The following FSTL5 variants were observed in gnomAD, a reference collection of about 807,000 sequenced individuals.
FSTL5 encodes the protein follistatin like 5, also known as follistatin-related protein 5.
Under a neutral mutation model 89.1 loss-of-function variants are expected in FSTL5, and 62 were observed. The observed-to-expected ratio is 0.70, with a 90% CI of 0.57 to 0.86. The LOEUF is 0.86. Ranked by LOEUF, FSTL5 falls within the 40% of genes least tolerant of loss-of-function variation. The probability of loss-of-function intolerance (pLI) is 0.00; values close to 1 mark genes in which losing one functional copy is unlikely to be tolerated. For missense variants in FSTL5, 1,057 were observed against 1,001.6 expected, an observed-to-expected ratio of 1.06 and a Z score of -0.75; for synonymous variants, 383 against 346.2, an observed-to-expected ratio of 1.11 and a Z score of -1.18.
At chr4:162,065,452 A>G (rs1404047568) in intron 2 of FSTL5, among the ~76,000 whole-genome samples, 3 of 152,062 alleles carry the variant, frequency 2.0e-5, no homozygotes, top group African/African-American at 7.2e-5. Flanking sequence ...ATATATGAAA[A>G]GGTACTCAAC....
intron 6 of FSTL5, among the ~76,000 whole-genome samples, chr4:161,715,594 A>C (rs78235642): frequency 0.05 from 7,539 of 152,218 alleles, 273 homozygotes; most frequent in Admixed American, 0.095. Context: ...TAAAAGAATT[A>C]TAAGTTTCGA....
chr4:161,482,330 T>C lies in FSTL5; in HGVS notation c.1459-1161A>G, dbSNP rs554941361. 2.6e-5 allele frequency among the ~76,000 whole-genome samples: 4 copies of C among 152,112 alleles called. No homozygotes were observed. The East Asian group carries it at 7.7e-4, about 29-fold the overall frequency. On this transcript the variant is annotated intron_variant, in intron 12 of 15. Transcript: ENST00000306100. ...GACTCCGTCTCAAAAAAAAAAATTA[T>C]GTGCAGTAAAAATGTTATTTACATA...
At chr4:161,920,915 G>C (rs1019874) in intron 3 of FSTL5, among the ~76,000 whole-genome samples, 80,787 of 151,808 alleles carry the variant, frequency 0.53, 21,765 homozygotes, top group Middle Eastern at 0.66. Context: ...TAATGACAAG[G>C]TCTGTAAAGC....
At chr4:161,614,925 T>C (rs1475535751) in intron 7 of FSTL5, among the ~76,000 whole-genome samples, 1 of 152,088 alleles carries the variant, frequency 6.6e-6, no homozygotes, top group Non-Finnish European at 1.5e-5. Context: ...GAACCTCAAA[T>C]AGAAAAATTC....
At chr4:162,003,608 C>T (rs998739449) in intron 3 of FSTL5, among the ~76,000 whole-genome samples, 7 of 152,048 alleles carry the variant, frequency 4.6e-5, no homozygotes, top group Admixed American at 1.3e-4. Context: ...CAACGAATGA[C>T]ATGATGAAAA....
intron 7 of FSTL5, among the ~76,000 whole-genome samples, chr4:161,655,365 G>A (rs1047171637): frequency 6.6e-6 from 1 of 152,012 alleles, no homozygotes; most frequent in Admixed American, 6.6e-5. Flanking sequence ...ATGACTTCAT[G>A]GGAGTTGGTA....
intron 7 of FSTL5, among the ~76,000 whole-genome samples, chr4:161,591,425 C>A (rs1278112224): frequency 6.6e-6 from 1 of 152,114 alleles, no homozygotes; most frequent in Admixed American, 6.6e-5. Context: ...CTAGAAAGCA[C>A]TGAATTGCAC....
At chr4:161,730,899 A>C (rs1739584152) in intron 6 of FSTL5, among the ~76,000 whole-genome samples, 1 of 152,214 alleles carries the variant, frequency 6.6e-6, no homozygotes, top group Admixed American at 6.5e-5. Context: ...AAAGAGTGTA[A>C]ATTGAGAATT....
At chr4:161,548,218 T>A (rs1215183939) in intron 8 of FSTL5, among the ~76,000 whole-genome samples, 2 of 151,914 alleles carry the variant, frequency 1.3e-5, no homozygotes, top group African/African-American at 4.8e-5. Flanking sequence ...AATGCTCACT[T>A]TTGTTCATTT....
chr4:161,520,076 C>T (rs2126514266), intron 10 of FSTL5, among the ~76,000 whole-genome samples: 1 of 151,914 alleles, frequency 6.6e-6, no homozygotes, highest in East Asian at 1.9e-4. Flanking sequence ...TATACCTTAA[C>T]CTTTAGTTAG....
At chr4:161,964,382 A>C (rs909270853) in intron 3 of FSTL5, among the ~76,000 whole-genome samples, 2 of 152,062 alleles carry the variant, frequency 1.3e-5, no homozygotes, top group African/African-American at 4.8e-5. Context: ...GCAGCTCCTT[A>C]AACATGGTTT....
intron 1 of FSTL5, among the ~76,000 whole-genome samples, chr4:162,118,344 TC>T (rs1407413823): frequency 6.6e-6 from 1 of 152,028 alleles, no homozygotes; most frequent in Non-Finnish European, 1.5e-5. Context: ...CACTGCAAGC[TC>T]CGCCTTGCGG....
rs1299887781 is a variant in FSTL5 at position 161,765,983 on chromosome 4, C to T, written c.607-6452G>A. On this transcript the variant is annotated intron_variant, in intron 5 of 15. Transcript: ENST00000306100. ...CTAATTTTTGTATTTTTAGTAGAGA[C>T]GGGGTTTCACCATCTTGGCCAGGCC... 3.3e-5 allele frequency among the ~76,000 whole-genome samples: 5 copies of T among 151,822 alleles called. No individual in the cohort carries two copies. In the East Asian group the frequency reaches 9.8e-4, roughly 30 times the overall value.
At chr4:161,492,891 T>C (rs2126472652) in intron 12 of FSTL5, among the ~76,000 whole-genome samples, 1 of 152,092 alleles carries the variant, frequency 6.6e-6, no homozygotes, top group South Asian at 2.1e-4. Flanking sequence ...TACTGAAGAG[T>C]TAATTTTTAA....
At chr4:162,135,685 A>G (rs771224062) in intron 1 of FSTL5, among the ~76,000 whole-genome samples, 2 of 152,118 alleles carry the variant, frequency 1.3e-5, no homozygotes, top group Non-Finnish European at 2.9e-5. Context: ...TTTAAGCTCC[A>G]TGAGATCAGA....
At chr4:161,608,122 T>G (rs1467732401) in intron 7 of FSTL5, among the ~76,000 whole-genome samples, 2 of 152,158 alleles carry the variant, frequency 1.3e-5, no homozygotes, top group African/African-American at 4.8e-5. Flanking sequence ...AAACATCTGC[T>G]CACTCTACCT....
At chr4:162,076,615 G>C (rs1448169656) in intron 2 of FSTL5, among the ~76,000 whole-genome samples, 1 of 151,744 alleles carries the variant, frequency 6.6e-6, no homozygotes, top group African/African-American at 2.4e-5. Flanking sequence ...GCCAGTGAAG[G>C]CAAGACTTCT....
At chr4:162,083,487 CA>C (rs1730183603) in intron 2 of FSTL5, among the ~76,000 whole-genome samples, 1 of 151,376 alleles carries the variant, frequency 6.6e-6, no homozygotes, top group African/African-American at 2.4e-5. Context: ...ATACGTTTTT[CA>C]TTAAAAAAGT....
At chr4:161,541,654 A>G (rs1410606042) in intron 9 of FSTL5, among the ~76,000 whole-genome samples, 2 of 152,026 alleles carry the variant, frequency 1.3e-5, no homozygotes, top group African/African-American at 4.8e-5. Context: ...ATGATTATAT[A>G]TATCCACTAT....
Sources: allele counts gnomAD v4.1 joint callset (sites outside exome capture counted in the v4.1 genomes callset), GRCh38; gene constraint gnomAD v4.1.1; transcripts MANE v1.5; gene names NCBI Gene and HGNC (gene_info 2026-07-23, HGNC 2026-07-21).